GABRB1: variants seen among roughly 807,000 people sequenced by gnomAD.
GABRB1 encodes gamma-aminobutyric acid receptor subunit beta-1.
GABRB1 carries 17 observed loss-of-function variants against 51.6 expected under a neutral mutation model. That is an observed-to-expected ratio of 0.33 (90% CI 0.23 to 0.49). The LOEUF is 0.49. GABRB1 is among the 20% of genes least tolerant of loss of function. The pLI is 0.99. For missense variants in GABRB1, 410 were observed against 600.6 expected (o/e 0.68, Z 3.32); for synonymous variants, 247 against 218.9 (o/e 1.13, Z -1.14).
At chr4:47,325,793 C>T (rs531993299) in intron 5 of GABRB1, among the ~76,000 whole-genome samples, 6 of 152,240 alleles carry the variant, frequency 3.9e-5, no homozygotes, top group African/African-American at 1.4e-4. Flanking sequence ...AGTTAGGAAC[C>T]AGTAGTTATT....
At chr4:47,105,210 G>A (rs1714910283) in intron 3 of GABRB1, among the ~76,000 whole-genome samples, 1 of 152,030 alleles carries the variant, frequency 6.6e-6, no homozygotes, top group African/African-American at 2.4e-5. Flanking sequence ...TTTAGGCTGG[G>A]TGCCAGTTTA....
At chr4:47,262,120 G>A (rs574880246) in intron 4 of GABRB1, among the ~76,000 whole-genome samples, 1 of 151,384 alleles carries the variant, frequency 6.6e-6, no homozygotes, top group South Asian at 2.1e-4. Flanking sequence ...TACCATTCAG[G>A]ACATAGGCAT....
At chr4:47,110,353 T>C (rs747814290) in intron 3 of GABRB1, among the ~76,000 whole-genome samples, 8 of 152,198 alleles carry the variant, frequency 5.3e-5, no homozygotes, top group Non-Finnish European at 1.2e-4. Context: ...CTTCCATAAG[T>C]GGTGCTAACT....
At chr4:47,293,428 C>G (rs962078018) in intron 4 of GABRB1, among the ~76,000 whole-genome samples, 1 of 152,090 alleles carries the variant, frequency 6.6e-6, no homozygotes, top group African/African-American at 2.4e-5. Flanking sequence ...CATGAGCCAC[C>G]GTGCCTGGCC....
chr4:47,126,997 T>C (rs991159722), intron 3 of GABRB1, among the ~76,000 whole-genome samples: 4 of 151,960 alleles, frequency 2.6e-5, no homozygotes, highest in African/African-American at 9.7e-5. Context: ...GTTTTCTATG[T>C]AGGTGGTTAG....
intron 3 of GABRB1, among the ~76,000 whole-genome samples, chr4:47,156,367 C>T (rs1177932043): frequency 1.3e-5 from 2 of 152,030 alleles, no homozygotes; most frequent in African/African-American, 4.8e-5. Flanking sequence ...AACCTTACCA[C>T]TATTGACATT....
rs116247912 is a variant in GABRB1, at chr4:47,357,290, A to T, written c.544+37081A>T. Among the ~76,000 whole-genome samples the T allele has an allele frequency of 7.8e-3, 1,193 of 152,254 alleles. 9 individuals carry two copies. The highest frequency in any genetic ancestry group is 0.026 in the African/African-American group (1,089 of 41,524). ...TTATAGGCAGCAGTGGTTAAAAGTGACACAGAGAGAAGACTGGAAAAAGAT... is the reference window on the plus strand; with the variant it reads ...TTATAGGCAGCAGTGGTTAAAAGTGTCACAGAGAGAAGACTGGAAAAAGAT... On this transcript the variant is annotated intron_variant, in intron 5 of 8. Coordinates refer to ENST00000295454, the MANE Select transcript of GABRB1 (RefSeq NM_000812.4).
At chr4:47,403,237 G>T in intron 5 of GABRB1, 81 bp from the exon 6 acceptor site, 3 of 1,519,710 alleles carry the variant, frequency 2.0e-6, no homozygotes, top group South Asian at 1.2e-5. Context: ...TTTGTGCTGG[G>T]AATTTTTCCT....
intron 5 of GABRB1, among the ~76,000 whole-genome samples, chr4:47,400,526 G>A (rs1728339243): frequency 8.5e-6 from 1 of 117,874 alleles, no homozygotes; most frequent in Admixed American, 8.3e-5. Flanking sequence ...CCAGGAGGTA[G>A]TCTCTCTCTC....
intron 2 of GABRB1, 103 bp from the exon 3 acceptor site, chr4:47,032,314 G>A: frequency 9.3e-7 from 1 of 1,074,718 alleles, no homozygotes; most frequent in South Asian, 1.5e-5. Context: ...GAGCAGGGAG[G>A]GAGCCCGTTA....
At chr4:47,396,816 G>A (rs1578143906) in intron 5 of GABRB1, among the ~76,000 whole-genome samples, 2 of 152,080 alleles carry the variant, frequency 1.3e-5, no homozygotes, top group South Asian at 2.1e-4. Flanking sequence ...GCATCCCCAC[G>A]TGCTCAGCAA....
At chr4:47,319,514 A>G (rs998371414) in intron 4 of GABRB1, among the ~76,000 whole-genome samples, 4 of 152,182 alleles carry the variant, frequency 2.6e-5, no homozygotes, top group Non-Finnish European at 4.4e-5. Context: ...TTGCATATCC[A>G]TCCTAGCATC....
intron 8 of GABRB1, among the ~76,000 whole-genome samples, chr4:47,412,079 G>T (rs7664622): frequency 0.011 from 1,659 of 152,102 alleles, 36 homozygotes; most frequent in African/African-American, 0.038. Context: ...ATTTGGTATC[G>T]CTGTTAATTG....
intron 3 of GABRB1, among the ~76,000 whole-genome samples, chr4:47,080,269 C>G (rs1326368477): frequency 6.6e-6 from 1 of 150,584 alleles, no homozygotes; most frequent in Non-Finnish European, 1.5e-5. Flanking sequence ...AAAACTCCAT[C>G]CTTTCTGTGG....
At chr4:47,238,495 AG>A (rs746721547) in intron 4 of GABRB1, among the ~76,000 whole-genome samples, 1 of 152,160 alleles carries the variant, frequency 6.6e-6, no homozygotes, top group Non-Finnish European at 1.5e-5. Context: ...TGCAACAAAT[AG>A]GTAATCTTAC....
At chr4:47,173,258 A>AGAT (rs1348799063) in intron 4 of GABRB1, among the ~76,000 whole-genome samples, 1 of 152,186 alleles carries the variant, frequency 6.6e-6, no homozygotes, top group African/African-American at 2.4e-5. Context: ...TTGAATATTT[A>AGAT]GATGATTAAA....
intron 3 of GABRB1, among the ~76,000 whole-genome samples, chr4:47,124,522 C>G (rs1035037795): frequency 6.6e-6 from 1 of 152,022 alleles, no homozygotes; most frequent in African/African-American, 2.4e-5. Context: ...CCTAAAGAAA[C>G]GGAAATCTAT....
chr4:46,998,583 A>C (rs1303063939), intron 1 of GABRB1, among the ~76,000 whole-genome samples: 1 of 151,930 alleles, frequency 6.6e-6, no homozygotes, highest in African/African-American at 2.4e-5. Flanking sequence ...AATACAAAAA[A>C]ATTAGCCAGG....
chr4:47,288,126 G>A (rs541894411), intron 4 of GABRB1, among the ~76,000 whole-genome samples: 11 of 152,182 alleles, frequency 7.2e-5, no homozygotes, highest in African/African-American at 2.4e-4. Context: ...GCAGTAGATA[G>A]GCAATAAATC....
Sources: allele counts gnomAD v4.1 joint callset (sites outside exome capture counted in the v4.1 genomes callset), GRCh38; gene constraint gnomAD v4.1.1; transcripts MANE v1.5; gene names NCBI Gene and HGNC (gene_info 2026-07-23, HGNC 2026-07-21).